MED12L: variants seen among roughly 807,000 people sequenced by gnomAD.
The protein encoded by MED12L is mediator complex subunit 12L.
A neutral mutation model predicts 281.3 loss-of-function variants in MED12L; 60 were observed. That is an observed-to-expected ratio of 0.21 (90% confidence interval 0.17 to 0.26). The LOEUF is 0.26. MED12L is among the 10% of genes least tolerant of loss of function. The pLI is 1.00. For missense variants in MED12L, 2,146 were observed against 2,680.9 expected, an observed-to-expected ratio of 0.80 and a Z score of 4.41; for synonymous variants, 974 against 987.2, an observed-to-expected ratio of 0.99 and a Z score of 0.25.
intron 30 of MED12L, 126 bp downstream of exon 30, chr3:151,377,304 G>C: frequency 1.4e-6 from 1 of 723,624 alleles, no homozygotes; most frequent in Admixed American, 3.0e-5. Context: ...TGTAAGCAGG[G>C]ATTATTATTA....
chr3:151,383,324 G>A (rs1358142049), intron 33 of MED12L, among the ~76,000 whole-genome samples: 1 of 152,188 alleles, frequency 6.6e-6, no homozygotes, highest in South Asian at 2.1e-4. Context: ...TGCGGGCCAA[G>A]CCTCCTGCCC....
In MED12L at chr3:151,156,202, G is replaced by C. The variant is rs745532423; in HGVS notation, c.598G>C (p.Ala200Pro). Residue 200 changes from alanine to proline, a missense_variant, in exon 6 of 45, where the codon GCC becomes CCC. Transcript: ENST00000687756. ...TACCAGATATCTTCGAGAGCAGTTG[G>C]CCAAGATTTCTGACTTTTACCACAT... The part of the protein sequence containing the change: ...ISTRYLREQL[A>P]KISDFYHMAS... 6.2e-7 allele frequency: 1 copy of C among 1,612,306 alleles called. No homozygotes were observed. The highest frequency in any genetic ancestry group is 8.5e-7 in the Non-Finnish European group (1 of 1,179,334).
chr3:151,430,152 A>G, intron 43 of MED12L, 147 bp from the exon 44 acceptor site: 1 of 1,190,948 alleles, frequency 8.4e-7, no homozygotes, highest in Non-Finnish European at 1.2e-6. Flanking sequence ...GTGTAGATGA[A>G]AATTAATCCA....
At chr3:151,319,481 G>A (rs1748731811) in intron 16 of MED12L, among the ~76,000 whole-genome samples, 3 of 132,846 alleles carry the variant, frequency 2.3e-5, no homozygotes, top group African/African-American at 1.2e-4. Flanking sequence ...GTGTGTGTGT[G>A]TGTGTGTGTG....
At chr3:151,425,779 T>A (rs971202235) in intron 43 of MED12L, 4 of 456,326 alleles carry the variant, frequency 8.8e-6, no homozygotes, top group Admixed American at 2.3e-5. Context: ...ACCATATGTT[T>A]GCTAATAGAG....
intron 16 of MED12L, among the ~76,000 whole-genome samples, chr3:151,245,806 A>G (rs1332732433): frequency 1.8e-4 from 27 of 146,984 alleles, no homozygotes; most frequent in African/African-American, 6.2e-4. Context: ...AGGGTATTCA[A>G]TTAGGAAAAG....
At chr3:151,099,876 T>G (rs1163894683) in intron 2 of MED12L, among the ~76,000 whole-genome samples, 4 of 152,066 alleles carry the variant, frequency 2.6e-5, no homozygotes, top group African/African-American at 9.7e-5. Context: ...CTGTTGAGAG[T>G]GTGCAAAGAG....
intron 16 of MED12L, chr3:151,269,969 C>G (rs1740567657): frequency 2.8e-6 from 1 of 361,972 alleles, no homozygotes; most frequent in African/African-American, 2.2e-5. Context: ...AAATCCATTA[C>G]AGTACTACTT....
intron 16 of MED12L, among the ~76,000 whole-genome samples, chr3:151,207,850 G>GT (rs1302617273): frequency 1.3e-5 from 2 of 152,298 alleles, no homozygotes; most frequent in Admixed American, 1.3e-4. Flanking sequence ...GGAGACTGAG[G>GT]TTTTAGTCCT....
chr3:151,357,338 A>G lies in MED12L; in HGVS notation c.2787A>G (p.Leu929=). Residue 929 remains leucine (L), a synonymous_variant, in exon 20 of 45, where the codon CTA becomes CTG. Coordinates refer to ENST00000687756, the MANE Select transcript of MED12L (RefSeq NM_001393769.1). ...VAVLRRYHSC[L]ILNPDQTAQV... is the part of the protein sequence containing the mutation. Reference sequence around the variant, plus strand: ...TTCTCAGGCGCTATCACAGTTGTCTAATCTTGAATCCTGATCAGACAGCCC... The same window carrying G: ...TTCTCAGGCGCTATCACAGTTGTCTGATCTTGAATCCTGATCAGACAGCCC... 3 of 1,613,536 alleles carry G rather than the reference A, an allele frequency of 1.9e-6. No individual in the cohort carries two copies. Among genetic ancestry groups the G allele is most frequent in the Non-Finnish European group, 2.5e-6 (3 of 1,179,684 alleles).
intron 27 of MED12L, 44 bp from the exon 28 acceptor site, chr3:151,375,982 C>A: frequency 7.6e-6 from 7 of 919,106 alleles, no homozygotes; most frequent in Admixed American, 2.8e-5. Context: ...TATATATATA[C>A]CGAAAGCCAG....
chr3:151,185,390 C>T lies in MED12L; in HGVS notation c.1555C>T (p.Arg519Trp), dbSNP rs375893441. 1.9e-6 allele frequency: 3 copies of T among 1,613,902 alleles called. No individual in the cohort carries two copies. Among genetic ancestry groups the T allele is most frequent in the South Asian group, 1.1e-5 (1 of 91,066 alleles). ...LLCEWAVSCKRSGKHRAMAVA... is the reference protein window; with the variant it reads ...LLCEWAVSCKWSGKHRAMAVA... ...ATGTGAATGGGCCGTGAGCTGCAAA[C>T]GGTCTGGCAAGCACAGGGCCATGGC... The change falls in exon 12 of 45, where the codon CGG becomes TGG. Residue 519 changes from arginine to tryptophan, a missense_variant. Arg to Trp is a moderately radical substitution (Grantham distance 101). Transcript: ENST00000687756.
At chr3:151,377,230 G>A (rs765415147) in intron 30 of MED12L, 52 bp downstream of exon 30, 28 of 1,478,198 alleles carry the variant, frequency 1.9e-5, no homozygotes, top group East Asian at 4.6e-5. Flanking sequence ...CACAAGTAAC[G>A]GTAAATTTTG....
At chr3:151,389,488 A>T (rs185424307) in intron 37 of MED12L, among the ~76,000 whole-genome samples, 70 of 152,146 alleles carry the variant, frequency 4.6e-4, no homozygotes, top group Non-Finnish European at 7.9e-4. Flanking sequence ...AGCATGGGGG[A>T]TGAGGGGAGT....
intron 41 of MED12L, among the ~76,000 whole-genome samples, chr3:151,412,491 G>A (rs1043907848): frequency 2.6e-5 from 4 of 152,192 alleles, no homozygotes; most frequent in Admixed American, 1.3e-4. Flanking sequence ...TAGCAGCACA[G>A]CTCCCATCTG....
rs780924752 is a variant in MED12L at position 151,432,847 on chromosome 3, A to G, written c.*43A>G. Reference sequence around the variant, plus strand: ...ACATGACGTTTTATGTTTGCACTGAAAAACAGAAAATCAAATTTAATGCAT... The same window carrying G: ...ACATGACGTTTTATGTTTGCACTGAGAAACAGAAAATCAAATTTAATGCAT... On this transcript the variant is annotated 3_prime_UTR_variant, in exon 45 of 45. Coordinates refer to ENST00000687756, the MANE Select transcript of MED12L (RefSeq NM_001393769.1). 3 of 1,501,230 alleles carry G rather than the reference A, an allele frequency of 2.0e-6. No homozygotes were observed. Among genetic ancestry groups the G allele is most frequent in the Non-Finnish European group, 1.8e-6 (2 of 1,090,066 alleles). The allele number at this position is 1,501,230 out of a possible 1,614,324, so 93.0% of individuals were successfully genotyped here.
chr3:151,257,451 G>A (rs1738038312), intron 16 of MED12L, among the ~76,000 whole-genome samples: 2 of 152,212 alleles, frequency 1.3e-5, no homozygotes. Context: ...TTACACATTA[G>A]CTTTGTGTCA....
At chr3:151,249,200 G>C (rs1229449542) in intron 16 of MED12L, 1 of 152,168 alleles carries the variant, frequency 6.6e-6, no homozygotes, top group African/African-American at 2.4e-5. Flanking sequence ...AACCAGCTGT[G>C]AAAAGGGAGA....
intron 16 of MED12L, among the ~76,000 whole-genome samples, chr3:151,227,615 A>AG (rs1730796645): frequency 6.6e-6 from 1 of 152,186 alleles, no homozygotes; most frequent in South Asian, 2.1e-4. Flanking sequence ...CTGTCAGTGG[A>AG]GGGTGAGGTG....
Sources: allele counts gnomAD v4.1 joint callset (sites outside exome capture counted in the v4.1 genomes callset), GRCh38; gene constraint gnomAD v4.1.1; transcripts MANE v1.5; gene names NCBI Gene and HGNC (gene_info 2026-07-23, HGNC 2026-07-21).